ANKMY1: variants seen among roughly 807,000 people sequenced by gnomAD.
The protein encoded by ANKMY1 is ankyrin repeat and MYND domain-containing protein 1.
In ANKMY1, 98 loss-of-function variants were observed where a neutral mutation model predicts 102.0. The observed-to-expected ratio is 0.96, with a 90% CI of 0.82 to 1.14. The LOEUF is 1.14. Among genes scored for constraint, ANKMY1 ranks in the 50% most tolerant of loss-of-function variants. The pLI is 0.00. For synonymous variants in ANKMY1, 582 were observed against 559.9 expected (o/e 1.04, Z -0.56); for missense variants, 1,330 against 1,347.6 (o/e 0.99, Z 0.20).
intron 6 of ANKMY1, 69 bp from the exon 7 acceptor site, chr2:240,525,918 G>A (rs1575157165): frequency 1.9e-6 from 3 of 1,559,480 alleles, no homozygotes; most frequent in South Asian, 1.2e-5. Context: ...GTCACTGGGT[G>A]TCCTGATGCC....
At chr2:240,501,768 G>C (rs1035562751) in intron 13 of ANKMY1, among the ~76,000 whole-genome samples, 8 of 152,224 alleles carry the variant, frequency 5.3e-5, no homozygotes, top group African/African-American at 1.9e-4. Context: ...AGCCTGGCCT[G>C]AACGGCTGAC....
intron 4 of ANKMY1, among the ~76,000 whole-genome samples, chr2:240,549,559 C>T (rs546493161): frequency 0.022 from 3,367 of 152,208 alleles, 149 homozygotes; most frequent in African/African-American, 0.077. Context: ...AAAGAAACTA[C>T]CATCAGAGTA....
chr2:240,557,093 C>T, intron 2 of ANKMY1, 97 bp downstream of exon 2: 1 of 1,290,740 alleles, frequency 7.7e-7, no homozygotes, highest in Non-Finnish European at 1.0e-6. Flanking sequence ...GGGAGTAACA[C>T]AGTTCAGGGA....
chr2:240,540,485 A>C (rs1003620597), intron 4 of ANKMY1, among the ~76,000 whole-genome samples: 2 of 152,214 alleles, frequency 1.3e-5, no homozygotes, highest in Non-Finnish European at 2.9e-5. Flanking sequence ...AAAAAGTGTC[A>C]AAGAACTGAA....
chr2:240,498,806 A>T (rs1040513144), intron 15 of ANKMY1, among the ~76,000 whole-genome samples: 1 of 152,028 alleles, frequency 6.6e-6, no homozygotes, highest in Non-Finnish European at 1.5e-5. Flanking sequence ...CAGTTAGTTC[A>T]CATGACAGCT....
At chr2:240,475,149 G>C (rs1210862093), downstream of ANKMY1, among the ~76,000 whole-genome samples, 2 of 152,144 alleles carry the variant, frequency 1.3e-5, no homozygotes, top group African/African-American at 2.4e-5. Flanking sequence ...TTGTGGTTTT[G>C]ATTTGCAGTT....
chr2:240,508,865 A>AATGGATGG (rs538759452), intron 12 of ANKMY1, among the ~76,000 whole-genome samples: 7 of 151,808 alleles, frequency 4.6e-5, no homozygotes, highest in African/African-American at 1.7e-4. Context: ...TGGATGGATG[A>AATGGATGG]ATGGATGGAT....
chr2:240,491,717 C>T (rs1269513795), intron 15 of ANKMY1, among the ~76,000 whole-genome samples: 2 of 151,762 alleles, frequency 1.3e-5, no homozygotes, highest in Non-Finnish European at 2.9e-5. Flanking sequence ...TTTTTTCTTT[C>T]AGCATGTTGA....
In ANKMY1 at chr2:240,529,159, T is replaced by A; in HGVS notation, c.831A>T (p.Lys277Asn). 6.2e-7 allele frequency: 1 copy of A among 1,614,182 alleles called. No homozygotes were observed. The highest frequency in any genetic ancestry group is 1.7e-5 in the Admixed American group (1 of 60,018). ...DHLPMTSSFR[K>N]ELDARIFLNE... ...TGAGGAAGATGCGGGCGTCCAGCTC[T>A]TTGCGGAAAGAGCTTGTCATGGGCA... Residue 277 changes from lysine to asparagine, a missense_variant, in exon 5 of 18, where the codon AAA (lysine) becomes AAT (asparagine). Transcript: ENST00000401804. This position sits in a 1 kb window ranked among gnomAD's most constrained non-coding sequence, Gnocchi z 4.2.
At chr2:240,550,019 T>C (rs1016965921) in intron 4 of ANKMY1, among the ~76,000 whole-genome samples, 27 of 151,856 alleles carry the variant, frequency 1.8e-4, no homozygotes, top group Non-Finnish European at 2.9e-4. Flanking sequence ...TTACCGGGTA[T>C]ATACCCAAAG....
rs1010785846 is a variant in ANKMY1 at position 240,508,341 on chromosome 2, A to C, written c.2395-650T>G. ...GGGCCTAGCCCTGAGCAGGGGCCCC[A>C]CATGACTTATTGAATGGATGACTCC... On this transcript the variant is annotated intron_variant, in intron 12 of 17. Transcript: ENST00000401804. 3.9e-5 allele frequency among the ~76,000 whole-genome samples: 6 copies of C among 152,250 alleles called. No individual in the cohort carries two copies. In the East Asian group the frequency reaches 1.2e-3, roughly 29 times the overall value.
Position 240,529,542 on chromosome 2 carries a change from T to C in ANKMY1, c.481-33A>G, listed in dbSNP as rs772616640. 6.4e-7 allele frequency: 1 copy of C among 1,552,472 alleles called. No homozygotes were observed. Among genetic ancestry groups the C allele is most frequent in the South Asian group, 1.2e-5 (1 of 83,928 alleles). On this transcript the variant is annotated intron_variant, in intron 4 of 17. Coordinates refer to ENST00000401804, the MANE Select transcript of ANKMY1 (RefSeq NM_001282771.3). This position sits in a 1 kb window ranked among gnomAD's most constrained non-coding sequence, Gnocchi z 4.2. ...GGAAGCGCAATAGACCGAGGAGAGA[T>C]AACGCGACCCAGCTGCACATGTGAT... is the stretch of plus-strand genomic sequence containing the variant.
At chr2:240,502,826 C>T (rs967558504) in intron 13 of ANKMY1, among the ~76,000 whole-genome samples, 27 of 152,048 alleles carry the variant, frequency 1.8e-4, no homozygotes, top group African/African-American at 6.5e-4. Context: ...CAGACCCTCC[C>T]CTCCCAAGCC....
At chr2:240,560,511 T>C (rs2125407668), upstream of ANKMY1, 1 of 1,024,612 alleles carries the variant, frequency 9.8e-7, no homozygotes, top group Non-Finnish European at 1.3e-6. Flanking sequence ...AAGCCCCCTG[T>C]CCCGGCCCAG....
At chr2:240,528,047 G>A (rs1246966397) in intron 5 of ANKMY1, among the ~76,000 whole-genome samples, 1 of 152,226 alleles carries the variant, frequency 6.6e-6, no homozygotes, top group Admixed American at 6.5e-5. Context: ...CCAAAACTTT[G>A]GGAGGCTGAG....
At position 240,526,946 on chromosome 2, in the gene ANKMY1, C is replaced by T. The variant is rs748427675; in HGVS notation, c.954-501G>A. 3.4e-5 allele frequency: 36 copies of T among 1,052,862 alleles called. 1 individual carries two copies. In the South Asian group the frequency reaches 7.2e-4, roughly 21 times the overall value. 65.2% of individuals were successfully genotyped at this position (1,052,862 alleles called of 1,614,324 possible). On this transcript the variant is annotated intron_variant, in intron 5 of 17. Transcript: ENST00000401804. ...TGTGTACACAACCCCTTTTCACAAT[C>T]GAGAACCTGTGCATTATAGATGCTT...
chr2:240,478,222 A>G (rs969379248), downstream of ANKMY1, among the ~76,000 whole-genome samples: 1 of 152,182 alleles, frequency 6.6e-6, no homozygotes, highest in Non-Finnish European at 1.5e-5. Flanking sequence ...ACCCTGAGCC[A>G]ATTAAACCTC....
intron 4 of ANKMY1, among the ~76,000 whole-genome samples, chr2:240,538,497 G>T (rs1279638908): frequency 6.6e-6 from 1 of 152,152 alleles, no homozygotes; most frequent in Admixed American, 6.5e-5. Flanking sequence ...AATTCTCGTG[G>T]GGACTCAGCT....
upstream of ANKMY1, chr2:240,560,571 G>A (rs1418357809): frequency 5.3e-6 from 7 of 1,313,142 alleles, no homozygotes; most frequent in South Asian, 6.0e-5. Context: ...GAGGCCTCTA[G>A]GACCCGGGGG....
Sources: allele counts gnomAD v4.1 joint callset (sites outside exome capture counted in the v4.1 genomes callset), GRCh38; gene constraint gnomAD v4.1.1; non-coding constraint Gnocchi (gnomAD v3.1); transcripts MANE v1.5; gene names NCBI Gene and HGNC (gene_info 2026-07-23, HGNC 2026-07-21).